CHODL: variants seen among roughly 807,000 people sequenced by gnomAD.
CHODL encodes chondrolectin.
Under a neutral mutation model 34.5 loss-of-function variants are expected in CHODL, and 29 were observed. The ratio of observed to expected loss-of-function variants is 0.84; its 90% confidence interval spans 0.63 to 1.15. The LOEUF (loss-of-function observed/expected upper bound fraction) is 1.15, where lower values mean the gene tolerates loss of function less well. Ranked by LOEUF, CHODL falls within the 50% of genes most tolerant of loss-of-function variation. The probability of loss-of-function intolerance (pLI) is 0.00; values close to 1 mark genes in which losing one functional copy is unlikely to be tolerated. For missense variants in CHODL, 332 were observed against 332.5 expected (o/e 1.00, Z 0.01); for synonymous variants, 125 against 116.1 (o/e 1.08, Z -0.49).
chr21:17,991,504 A>G (rs1044435852), intron 1 of CHODL, among the ~76,000 whole-genome samples: 3 of 152,016 alleles, frequency 2.0e-5, no homozygotes, highest in African/African-American at 7.2e-5. Flanking sequence ...CATGCCAACT[A>G]TGGTGAGATG....
In CHODL at chr21:18,262,793, A is replaced by G. The variant is rs776328770; in HGVS notation, c.637A>G (p.Ile213Val). ...ATGAAGACTGTTTTATTTTGTAGGT[A>G]TAATTCCCAATCTAATTTATGTTGT... is the stretch of plus-strand genomic sequence containing the variant. The part of the protein sequence containing the change: ...HQNVVVTEAG[I>V]IPNLIYVVIP... Residue 213 changes from isoleucine (I) to valine (V), a missense_variant and splice_region_variant, in exon 5 of 6, where the codon ATA becomes GTA. Ile to Val is a conservative substitution (Grantham distance 29). Transcript: ENST00000299295. 11 of 1,542,790 alleles carry G rather than the reference A, an allele frequency of 7.1e-6. No homozygotes were observed. In the Middle Eastern group the frequency reaches 5.1e-4, roughly 71 times the overall value.
chr21:17,997,889 T>A (rs1176752063), intron 1 of CHODL, among the ~76,000 whole-genome samples: 1 of 151,970 alleles, frequency 6.6e-6, no homozygotes, highest in Non-Finnish European at 1.5e-5. Flanking sequence ...AGCCGTATAA[T>A]TCCACCCCTG....
intron 2 of CHODL, among the ~76,000 whole-genome samples, chr21:18,116,886 A>G (rs75244619): frequency 0.028 from 4,217 of 152,304 alleles, 137 homozygotes; most frequent in East Asian, 0.11. Context: ...ACTGTGGCCC[A>G]GATGAATGAG....
intron 2 of CHODL, among the ~76,000 whole-genome samples, chr21:18,223,057 GAAAA>G (rs1470564030): frequency 6.6e-6 from 1 of 152,150 alleles, no homozygotes; most frequent in Non-Finnish European, 1.5e-5. Context: ...ACCTAAGTGG[GAAAA>G]ACTGATCAGA....
intron 2 of CHODL, among the ~76,000 whole-genome samples, chr21:18,070,259 G>A (rs1470759140): frequency 6.6e-6 from 1 of 151,708 alleles, no homozygotes; most frequent in East Asian, 1.9e-4. Flanking sequence ...TTCTCCTTGT[G>A]TTAATTTTAA....
intron 2 of CHODL, among the ~76,000 whole-genome samples, chr21:18,132,931 T>C (rs557979558): frequency 6.6e-6 from 1 of 152,104 alleles, no homozygotes; most frequent in Admixed American, 6.5e-5. Flanking sequence ...CAAATATGAG[T>C]TTTTTTGCTA....
intron 2 of CHODL, among the ~76,000 whole-genome samples, chr21:18,179,586 C>G (rs113743815): frequency 1.2e-4 from 18 of 152,060 alleles, no homozygotes; most frequent in African/African-American, 4.1e-4. Context: ...AATCAAGAGG[C>G]CTTCACTTTA....
At chr21:18,175,593 G>GA (rs892655376) in intron 2 of CHODL, among the ~76,000 whole-genome samples, 201 of 125,616 alleles carry the variant, frequency 1.6e-3, no homozygotes, top group Middle Eastern at 8.6e-3. Context: ...ACTGTCTGGA[G>GA]AAAAAAAAAA....
chr21:18,090,726 GAAAAAA>G (rs5842674), intron 2 of CHODL, among the ~76,000 whole-genome samples: 54,447 of 125,384 alleles, frequency 0.43, 11,473 homozygotes, highest in Non-Finnish European at 0.52. Flanking sequence ...ATAATTTCCA[GAAAAAA>G]AAAAAAAAAA....
chr21:18,081,199 C>T (rs2064937345), intron 2 of CHODL, among the ~76,000 whole-genome samples: 1 of 152,044 alleles, frequency 6.6e-6, no homozygotes. Flanking sequence ...CCTGAAACTA[C>T]TCAATTCATT....
chr21:18,158,040 G>T (rs1174947274), intron 2 of CHODL, among the ~76,000 whole-genome samples: 1 of 146,944 alleles, frequency 6.8e-6, no homozygotes, highest in Middle Eastern at 3.3e-3. Context: ...GTGCTTTGAG[G>T]ATTCATTTCA....
At chr21:18,014,810 G>GTAATGT (rs1446467128) in intron 1 of CHODL, among the ~76,000 whole-genome samples, 2 of 152,204 alleles carry the variant, frequency 1.3e-5, no homozygotes, top group Admixed American at 6.5e-5. Context: ...AAGTCCTGTA[G>GTAATGT]AACTATGTGC....
At chr21:18,261,917 A>T (rs555370009) in intron 4 of CHODL, among the ~76,000 whole-genome samples, 1 of 152,108 alleles carries the variant, frequency 6.6e-6, no homozygotes, top group Non-Finnish European at 1.5e-5. Context: ...TCATCAGTTA[A>T]TATTTATATA....
intron 3 of CHODL, among the ~76,000 whole-genome samples, chr21:18,257,934 C>T (rs976504534): frequency 1.3e-5 from 2 of 152,072 alleles, no homozygotes; most frequent in East Asian, 1.9e-4. Flanking sequence ...GATCCTTAGG[C>T]TTTGAGATTT....
chr21:17,967,057 G>A (rs1234819506), intron 1 of CHODL, among the ~76,000 whole-genome samples: 1 of 151,882 alleles, frequency 6.6e-6, no homozygotes, highest in Non-Finnish European at 1.5e-5. Context: ...GCTAATTTTT[G>A]TATTTTTAGT....
intron 2 of CHODL, among the ~76,000 whole-genome samples, chr21:18,214,660 C>T (rs908170099): frequency 6.6e-6 from 1 of 152,088 alleles, no homozygotes; most frequent in Non-Finnish European, 1.5e-5. Flanking sequence ...GAACCAGGAA[C>T]AGCAGTTATA....
intron 1 of CHODL, among the ~76,000 whole-genome samples, chr21:18,255,213 G>A (rs530867652): frequency 3.3e-5 from 5 of 152,032 alleles, no homozygotes; most frequent in South Asian, 2.1e-4. Context: ...TAGATATTTG[G>A]TTGGTCCTAA....
intron 2 of CHODL, among the ~76,000 whole-genome samples, chr21:18,138,561 A>T (rs1311766566): frequency 6.6e-6 from 1 of 152,192 alleles, no homozygotes; most frequent in Non-Finnish European, 1.5e-5. Context: ...AGTTCCTAAA[A>T]GGTACTTGGA....
At chr21:18,013,791 C>T (rs539268427) in intron 1 of CHODL, among the ~76,000 whole-genome samples, 16 of 151,692 alleles carry the variant, frequency 1.1e-4, no homozygotes, top group Non-Finnish European at 2.4e-4. Context: ...TGTGCCACCA[C>T]ACCTGGCTAA....
Sources: allele counts gnomAD v4.1 joint callset (sites outside exome capture counted in the v4.1 genomes callset), GRCh38; gene constraint gnomAD v4.1.1; transcripts MANE v1.5; gene names NCBI Gene and HGNC (gene_info 2026-07-23, HGNC 2026-07-21).